The following NOX4 variants were observed in gnomAD, a reference collection of about 807,000 sequenced individuals.
NOX4 encodes the protein NADPH oxidase 4.
In NOX4, 69 loss-of-function variants were observed where a neutral mutation model predicts 87.6. That is an observed-to-expected ratio of 0.79 (90% confidence interval 0.65 to 0.96). The LOEUF is 0.96. Ranked by LOEUF, NOX4 falls within the 40% of genes least tolerant of loss-of-function variation. NOX4 has a pLI of 0.00. For missense variants in NOX4, 680 were observed against 681.5 expected (o/e 1.00, Z 0.02); for synonymous variants, 275 against 238.2 (o/e 1.15, Z -1.42).
upstream of NOX4, among the ~76,000 whole-genome samples, chr11:89,501,377 C>T (rs1046732828): frequency 2.6e-5 from 4 of 151,702 alleles, no homozygotes; most frequent in Non-Finnish European, 5.9e-5. Flanking sequence ...AGGTAAAGAG[C>T]GGTAGTTTTG....
chr11:89,455,895 G>A (rs985971980), intron 2 of NOX4, among the ~76,000 whole-genome samples: 13 of 151,970 alleles, frequency 8.6e-5, no homozygotes, highest in Non-Finnish European at 1.6e-4. Context: ...TGAACTCATG[G>A]AGACAGAGAA....
chr11:89,437,747 G>T (rs1944152730), intron 6 of NOX4, among the ~76,000 whole-genome samples: 1 of 151,974 alleles, frequency 6.6e-6, no homozygotes, highest in South Asian at 2.1e-4. Context: ...TACATGTAAG[G>T]AAATAAACTA....
the NOX4 span, among the ~76,000 whole-genome samples, chr11:89,525,043 G>A: frequency 1.3e-5 from 2 of 151,886 alleles, no homozygotes; most frequent in Non-Finnish European, 2.9e-5. Context: ...TTTAATTGTT[G>A]AGTAGTTATC....
At chr11:89,431,214 T>G (rs1233911458) in intron 7 of NOX4, among the ~76,000 whole-genome samples, 1 of 152,148 alleles carries the variant, frequency 6.6e-6, no homozygotes, top group Non-Finnish European at 1.5e-5. Context: ...TCAAGATGGA[T>G]TAAAGACTTA....
At chr11:89,429,353 T>C (rs1187434208) in intron 7 of NOX4, among the ~76,000 whole-genome samples, 2 of 151,756 alleles carry the variant, frequency 1.3e-5, no homozygotes, top group Admixed American at 1.3e-4. Flanking sequence ...AAGAAATAAC[T>C]AAGATCAGAG....
intron 15 of NOX4, among the ~76,000 whole-genome samples, chr11:89,338,633 C>G (rs997620873): frequency 6.6e-6 from 1 of 152,136 alleles, no homozygotes; most frequent in African/African-American, 2.4e-5. Context: ...TATTCTTTCT[C>G]TTGCTTACTC....
At chr11:89,372,395 G>A (rs559367310) in intron 12 of NOX4, among the ~76,000 whole-genome samples, 56 of 152,024 alleles carry the variant, frequency 3.7e-4, no homozygotes, top group African/African-American at 1.3e-3. Flanking sequence ...CTACTACCCA[G>A]AACAAAATCT....
At chr11:89,336,319 G>A (rs1440461612) in intron 16 of NOX4, among the ~76,000 whole-genome samples, 1 of 151,868 alleles carries the variant, frequency 6.6e-6, no homozygotes, top group Non-Finnish European at 1.5e-5. Context: ...GAACTGCAGT[G>A]TAAGACAAAG....
intron 2 of NOX4, among the ~76,000 whole-genome samples, chr11:89,472,044 T>C (rs1394601151): frequency 2.0e-5 from 3 of 152,172 alleles, no homozygotes; most frequent in African/African-American, 7.2e-5. Flanking sequence ...ACCTGGCCTT[T>C]ATTACCTAAC....
chr11:89,578,068 G>A, the NOX4 span, among the ~76,000 whole-genome samples: 2 of 151,840 alleles, frequency 1.3e-5, no homozygotes, highest in African/African-American at 2.4e-5. Context: ...TGTGGCTCAT[G>A]TCAATTTTTT....
upstream of NOX4, among the ~76,000 whole-genome samples, chr11:89,494,754 C>A (rs1946929987): frequency 6.6e-6 from 1 of 152,194 alleles, no homozygotes; most frequent in Non-Finnish European, 1.5e-5. Flanking sequence ...ATGTTACCAA[C>A]CCCACAGGTT....
At chr11:89,471,830 C>G (rs1240892579) in intron 2 of NOX4, among the ~76,000 whole-genome samples, 3 of 152,188 alleles carry the variant, frequency 2.0e-5, no homozygotes, top group Non-Finnish European at 4.4e-5. Flanking sequence ...CAACCTCCGC[C>G]TCCTGGGTTC....
the NOX4 span, among the ~76,000 whole-genome samples, chr11:89,562,190 T>G: frequency 2.0e-5 from 3 of 152,190 alleles, no homozygotes; most frequent in African/African-American, 7.2e-5. Flanking sequence ...AATATTCTTC[T>G]TTATAATATC....
intron 12 of NOX4, among the ~76,000 whole-genome samples, chr11:89,368,790 T>A (rs1244359026): frequency 6.6e-6 from 1 of 152,076 alleles, no homozygotes; most frequent in Non-Finnish European, 1.5e-5. Flanking sequence ...TGGGAAGCTA[T>A]CAGACATGAC....
intron 13 of NOX4, among the ~76,000 whole-genome samples, chr11:89,350,218 C>T (rs1305747415): frequency 6.6e-6 from 1 of 152,130 alleles, no homozygotes; most frequent in Admixed American, 6.6e-5. Context: ...GATTAATGAA[C>T]ATTCTTGTAT....
intron 11 of NOX4, among the ~76,000 whole-genome samples, chr11:89,391,504 C>T (rs1157946197): frequency 1.3e-5 from 2 of 151,848 alleles, no homozygotes; most frequent in Non-Finnish European, 1.5e-5. Context: ...GCCTGTAATC[C>T]CAGCACTTTG....
chr11:89,422,067 C>T (rs1025126522), intron 7 of NOX4, 85 bp from the exon 8 acceptor site: 1 of 705,868 alleles, frequency 1.4e-6, no homozygotes, highest in Non-Finnish European at 2.3e-6. Flanking sequence ...TCATTTCAAA[C>T]ATCTCACAAT....
At chr11:89,587,618 A>C in the NOX4 span, among the ~76,000 whole-genome samples, 1 of 152,172 alleles carries the variant, frequency 6.6e-6, no homozygotes, top group South Asian at 2.1e-4. Flanking sequence ...CAGGCCATAA[A>C]CCAATAGAAC....
At chr11:89,561,961 G>A in the NOX4 span, among the ~76,000 whole-genome samples, 1 of 152,114 alleles carries the variant, frequency 6.6e-6, no homozygotes, top group Non-Finnish European at 1.5e-5. Flanking sequence ...GATGTTTGAG[G>A]AAAGTACATC....
Sources: allele counts gnomAD v4.1 joint callset (sites outside exome capture counted in the v4.1 genomes callset), GRCh38; gene constraint gnomAD v4.1.1; transcripts MANE v1.5; gene names NCBI Gene and HGNC (gene_info 2026-07-23, HGNC 2026-07-21).